The following DENND5B variants were observed in gnomAD, a reference collection of about 807,000 sequenced individuals.
The protein encoded by DENND5B is DENN domain containing 5B.
Under a neutral mutation model 140.6 loss-of-function variants are expected in DENND5B, and 34 were observed. The observed-to-expected ratio is 0.24, with a 90% CI of 0.18 to 0.32. The LOEUF is 0.32. Among genes scored for constraint, DENND5B ranks in the 10% least tolerant of loss-of-function variants. The probability of loss-of-function intolerance (pLI) is 1.00; values close to 1 mark genes in which losing one functional copy is unlikely to be tolerated. For missense variants in DENND5B, 1,142 were observed against 1,560.2 expected (o/e 0.73, Z 4.52); for synonymous variants, 551 against 562.1 (o/e 0.98, Z 0.28).
chr12:31,458,165 A>G (rs377412456), intron 4 of DENND5B, among the ~76,000 whole-genome samples: 22 of 152,370 alleles, frequency 1.4e-4, no homozygotes, highest in East Asian at 5.8e-4. Flanking sequence ...CAGAATCCTT[A>G]AATTTGTTTA....
At chr12:31,588,320 G>A (rs955905127) in intron 1 of DENND5B, among the ~76,000 whole-genome samples, 2 of 152,058 alleles carry the variant, frequency 1.3e-5, no homozygotes, top group Non-Finnish European at 1.5e-5. Flanking sequence ...CCACCACTCT[G>A]CTGGCATGTC....
At chr12:31,553,491 T>A (rs917214042) in intron 1 of DENND5B, among the ~76,000 whole-genome samples, 12 of 152,210 alleles carry the variant, frequency 7.9e-5, no homozygotes, top group African/African-American at 2.9e-4. Context: ...AACTATGTAG[T>A]CAATTTTGGA....
chr12:31,432,088 A>C (rs561214463), intron 8 of DENND5B: 1 of 985,144 alleles, frequency 1.0e-6, no homozygotes, highest in African/African-American at 1.7e-5. Context: ...GTGCAGGAGG[A>C]GGTGGACCCT....
At chr12:31,441,198 G>T (rs1378123667) in intron 7 of DENND5B, among the ~76,000 whole-genome samples, 3 of 152,138 alleles carry the variant, frequency 2.0e-5, no homozygotes, top group Admixed American at 1.3e-4. Context: ...ACAAAAATTA[G>T]CTAGGTGTGG....
intron 14 of DENND5B, among the ~76,000 whole-genome samples, chr12:31,408,464 T>C (rs958897108): frequency 3.3e-5 from 5 of 151,534 alleles, no homozygotes; most frequent in Admixed American, 1.3e-4. Context: ...CCATCTCTAC[T>C]AAAAATACAA....
chr12:31,422,239 G>T (rs1943057003), intron 11 of DENND5B, among the ~76,000 whole-genome samples: 1 of 140,348 alleles, frequency 7.1e-6, no homozygotes, highest in African/African-American at 2.7e-5. Context: ...CTAACACAGT[G>T]AAACCCCGTC....
chr12:31,424,453 TAATGACA>T, intron 10 of DENND5B, 75 bp downstream of exon 10: 1 of 1,428,996 alleles, frequency 7.0e-7, no homozygotes, highest in South Asian at 1.7e-5. Flanking sequence ...TATTTTTTTT[TAATGACA>T]TATTTGTCTC....
chr12:31,478,530 C>A (rs370364277), intron 3 of DENND5B, among the ~76,000 whole-genome samples: 2 of 152,022 alleles, frequency 1.3e-5, no homozygotes, highest in South Asian at 2.1e-4. Context: ...CAGTGACAGT[C>A]CGTCTCTACA....
In DENND5B at chr12:31,409,152, C is replaced by T. The variant is rs1198149751; in HGVS notation, c.2803+111G>A. 5.5e-5 allele frequency: 63 copies of T among 1,147,202 alleles called. 1 individual carries two copies. In the East Asian group the frequency reaches 1.6e-3, roughly 29 times the overall value. The allele number at this position is 1,147,202 out of a possible 1,614,324, so 71.1% of individuals were successfully genotyped here. A position where few individuals can be genotyped will look rare whatever the true frequency, so the allele number is the denominator to read the frequency against. ...CTTTACTCCTAAACAGAGACCTGGG[C>T]GTATGTCACAATGTCACATGTACTA... On this transcript the variant is annotated intron_variant, in intron 14 of 20. Transcript: ENST00000389082.
In DENND5B at chr12:31,447,616, T is replaced by G; in HGVS notation, c.1783A>C (p.Lys595Gln). ...GCCCTTACATTATACAGCCTTATCT[T>G]ATCAATCCGAGTGTCAAAGACCCGA... is the stretch of plus-strand genomic sequence containing the variant. ...LLRVFDTRID[K>Q]IRLYNVRAPT... Residue 595 changes from lysine (K) to glutamine (Q), a missense_variant, in exon 6 of 21, where the codon AAG becomes CAG. Physicochemically the swap from Lys to Gln is moderately conservative, Grantham distance 53. Around this residue, in one of 5 missense-constraint regions of DENND5B, gnomAD observed 708 missense variants for 905.5 expected, o/e 0.78. Coordinates refer to ENST00000389082, the MANE Select transcript of DENND5B (RefSeq NM_144973.4). The G allele has an allele frequency of 6.2e-7, 1 of 1,613,996 alleles. No homozygotes were observed. Among genetic ancestry groups the G allele is most frequent in the Admixed American group, 1.7e-5 (1 of 60,028 alleles).
At chr12:31,531,485 C>T (rs1055312585) in intron 1 of DENND5B, among the ~76,000 whole-genome samples, 1 of 152,330 alleles carries the variant, frequency 6.6e-6, no homozygotes, top group South Asian at 2.1e-4. Flanking sequence ...CGTGAGCCAC[C>T]GTGCCCAGCC....
chr12:31,485,741 C>CTCTT (rs1814721847), intron 2 of DENND5B, among the ~76,000 whole-genome samples: 2 of 92,556 alleles, frequency 2.2e-5, no homozygotes, highest in Admixed American at 9.5e-5. Flanking sequence ...CATCTCCTCT[C>CTCTT]TCTCTCTCTC....
At chr12:31,545,971 A>AAAAAAAAT (rs1948843461) in intron 1 of DENND5B, among the ~76,000 whole-genome samples, 1 of 148,012 alleles carries the variant, frequency 6.8e-6, no homozygotes, top group Admixed American at 6.8e-5. Context: ...AAAAAAAAAA[A>AAAAAAAAT]GTGGGGGAAT....
chr12:31,509,183 C>T (rs1022812566), intron 1 of DENND5B, among the ~76,000 whole-genome samples: 6 of 152,174 alleles, frequency 3.9e-5, no homozygotes, highest in Admixed American at 3.9e-4. Context: ...CAAGAATCTC[C>T]ACTTGCTGTC....
intron 3 of DENND5B, among the ~76,000 whole-genome samples, chr12:31,466,685 T>C (rs1364607965): frequency 1.5e-5 from 2 of 135,702 alleles, no homozygotes; most frequent in African/African-American, 2.7e-5. Context: ...AAAGTGAGAC[T>C]CTGTCTCAAA....
intron 8 of DENND5B, among the ~76,000 whole-genome samples, chr12:31,430,274 C>T (rs571566422): frequency 4.0e-5 from 6 of 150,644 alleles, no homozygotes; most frequent in Admixed American, 1.3e-4. Context: ...CCGCCCGCCT[C>T]GTCCTCCCAA....
Position 31,486,436 on chromosome 12 carries a change from TTTA to T in DENND5B, c.238-6184_238-6182del, listed in dbSNP as rs376702322. Reference sequence around the variant, plus strand: ...TTGTAAGTTACTCAGTCTGAAGTATTTTATTTTAGCAGGAGGAATGGAGTAAGA... The same window carrying T: ...TTGTAAGTTACTCAGTCTGAAGTATTTTTTAGCAGGAGGAATGGAGTAAGA... On this transcript the variant is annotated intron_variant, in intron 2 of 20. Transcript: ENST00000389082. 1.3e-3 allele frequency among the ~76,000 whole-genome samples: 197 copies of T among 152,334 alleles called. 1 individual carries two copies. Among genetic ancestry groups the T allele is most frequent in the African/African-American group, 4.6e-3 (192 of 41,578 alleles).
intron 1 of DENND5B, among the ~76,000 whole-genome samples, chr12:31,565,823 G>A (rs1186164780): frequency 6.6e-6 from 1 of 152,116 alleles, no homozygotes; most frequent in Non-Finnish European, 1.5e-5. Context: ...GCAAACTAGG[G>A]ACCATATTTG....
rs1463803763 is a variant in DENND5B at position 31,386,381 on chromosome 12, T to C, written c.*1222A>G. The C allele has an allele frequency of 6.5e-6, 1 of 153,574 alleles. No homozygotes were observed. The highest frequency in any genetic ancestry group is 2.4e-5 in the African/African-American group (1 of 41,516). 9.5% of individuals were successfully genotyped at this position (153,574 alleles called of 1,614,324 possible). A position where few individuals can be genotyped will look rare whatever the true frequency, so the allele number is the denominator to read the frequency against. On this transcript the variant is annotated 3_prime_UTR_variant, in exon 21 of 21. Transcript: ENST00000389082. ...CTCACAACTTTTGGTCTTTCAAAAT[T>C]GTTGCCACCTCTTGCTTTGCTTCCA...
Sources: gnomAD v4.1 joint callset for allele counts (sites outside exome capture counted in the v4.1 genomes callset) on GRCh38, gnomAD v4.1.1 for gene constraint, gnomAD v4.1.1 regional missense constraint, MANE v1.5 for transcripts, NCBI Gene and HGNC (gene_info 2026-07-23, HGNC 2026-07-21) for gene names.